B3GALT1: variants seen among roughly 807,000 people sequenced by gnomAD.
B3GALT1 encodes the protein UDP-Gal:betaGlcNAc beta 1,3-galactosyltransferase, polypeptide 1.
A neutral mutation model predicts 23.2 loss-of-function variants in B3GALT1; 10 were observed. The ratio of observed to expected loss-of-function variants is 0.43; its 90% CI spans 0.27 to 0.73. The LOEUF is 0.73. B3GALT1 is among the 30% of genes least tolerant of loss of function. B3GALT1 has a pLI of 0.21. For synonymous variants in B3GALT1, 156 were observed against 141.5 expected, an observed-to-expected ratio of 1.10 and a Z score of -0.73; for missense variants, 299 against 405.4, an observed-to-expected ratio of 0.74 and a Z score of 2.25.
At chr2:167,492,026 T>C (rs1473975813) in intron 2 of B3GALT1, among the ~76,000 whole-genome samples, 1 of 152,168 alleles carries the variant, frequency 6.6e-6, no homozygotes, top group Non-Finnish European at 1.5e-5. Flanking sequence ...AGTCTTTATA[T>C]TGGATATTTC....
At chr2:167,358,531 T>A (rs73017796) in intron 1 of B3GALT1, among the ~76,000 whole-genome samples, 14 of 149,992 alleles carry the variant, frequency 9.3e-5, no homozygotes, top group African/African-American at 3.3e-4. Flanking sequence ...GTTTGTGAAC[T>A]TTTTTTTAGT....
chr2:167,610,448 A>T (rs1056537794), intron 2 of B3GALT1, among the ~76,000 whole-genome samples: 2 of 152,064 alleles, frequency 1.3e-5, no homozygotes, highest in Admixed American at 6.6e-5. Flanking sequence ...TTTCACAATC[A>T]AGATTGTGTT....
At chr2:167,373,327 CACAA>C (rs1009701389) in intron 1 of B3GALT1, among the ~76,000 whole-genome samples, 1 of 151,720 alleles carries the variant, frequency 6.6e-6, no homozygotes, top group African/African-American at 2.4e-5. Flanking sequence ...ACACATATAA[CACAA>C]ACAATATAAG....
chr2:167,835,978 G>T (rs1344519056), intron 4 of B3GALT1, among the ~76,000 whole-genome samples: 2 of 152,172 alleles, frequency 1.3e-5, no homozygotes, highest in African/African-American at 4.8e-5. Context: ...CTGTCTGTTT[G>T]TTAGAAGGAA....
intron 1 of B3GALT1, among the ~76,000 whole-genome samples, chr2:167,473,324 T>G (rs1415617943): frequency 6.6e-6 from 1 of 152,154 alleles, no homozygotes; most frequent in Non-Finnish European, 1.5e-5. Flanking sequence ...CCCATCACTG[T>G]GCTAGGCAAC....
chr2:167,667,360 C>G (rs1427245248), intron 3 of B3GALT1, among the ~76,000 whole-genome samples: 1 of 152,146 alleles, frequency 6.6e-6, no homozygotes, highest in Non-Finnish European at 1.5e-5. Flanking sequence ...GTAACCCGAC[C>G]TTTCTCTCTG....
rs200002236 is a variant in B3GALT1 at position 167,782,293 on chromosome 2, G to A, written c.-351-36379G>A. ...CTGAAGAGGAACGGCGATGCCCCTG[G>A]TGACTTTATTGAACATCCCTGCATG... On this transcript the variant is annotated intron_variant, in intron 3 of 4. Coordinates refer to ENST00000392690, the MANE Select transcript of B3GALT1 (RefSeq NM_020981.4). Among the ~76,000 whole-genome samples the A allele has an allele frequency of 2.6e-5, 4 of 152,260 alleles. No homozygotes were observed. In the East Asian group the frequency reaches 7.7e-4, roughly 29 times the overall value.
chr2:167,728,354 T>C (rs1687352472), intron 3 of B3GALT1, among the ~76,000 whole-genome samples: 1 of 152,160 alleles, frequency 6.6e-6, no homozygotes, highest in Non-Finnish European at 1.5e-5. Context: ...GCCACTGCAC[T>C]CCAGCCTGGG....
intron 3 of B3GALT1, among the ~76,000 whole-genome samples, chr2:167,815,763 T>A (rs1045285750): frequency 2.0e-5 from 3 of 152,226 alleles, no homozygotes; most frequent in Non-Finnish European, 2.9e-5. Flanking sequence ...TGTGCTAGAA[T>A]AGCTATAATT....
intron 1 of B3GALT1, among the ~76,000 whole-genome samples, chr2:167,444,189 A>G (rs1446367809): frequency 6.6e-6 from 1 of 152,208 alleles, no homozygotes; most frequent in Non-Finnish European, 1.5e-5. Context: ...GCATATTTTG[A>G]ACCAGCCTTG....
chr2:167,825,248 T>C (rs112762001), intron 4 of B3GALT1, among the ~76,000 whole-genome samples: 4,633 of 140,582 alleles, frequency 0.033, 258 homozygotes, highest in African/African-American at 0.12. Flanking sequence ...CGCGCCACTG[T>C]ACTCTAGCCT....
intron 1 of B3GALT1, among the ~76,000 whole-genome samples, chr2:167,427,902 A>G (rs1297723347): frequency 1.3e-5 from 2 of 152,156 alleles, no homozygotes; most frequent in African/African-American, 4.8e-5. Context: ...AAAACCCTCT[A>G]AGTTATTTTA....
intron 3 of B3GALT1, among the ~76,000 whole-genome samples, chr2:167,650,758 C>T (rs1172217481): frequency 1.3e-5 from 2 of 151,992 alleles, no homozygotes; most frequent in Admixed American, 1.3e-4. Context: ...TCTGTACTTC[C>T]AGGATCCCTT....
chr2:167,458,926 A>C (rs1051192120), intron 1 of B3GALT1, among the ~76,000 whole-genome samples: 9 of 152,258 alleles, frequency 5.9e-5, no homozygotes, highest in African/African-American at 2.2e-4. Context: ...ATATTAGTAT[A>C]ACCACCCCTG....
intron 1 of B3GALT1, among the ~76,000 whole-genome samples, chr2:167,446,314 A>T (rs756576292): frequency 1.3e-5 from 2 of 151,928 alleles, no homozygotes; most frequent in Non-Finnish European, 1.5e-5. Flanking sequence ...CTTCACTTCA[A>T]CTTTGGTGAA....
At position 167,486,367 on chromosome 2, in the gene B3GALT1, AAAAAG is replaced by A. The variant is rs1451569198; in HGVS notation, c.-510-3793_-510-3789del. ...AGTGAGACTCTGTCTCAAAAAAAAA[AAAAAG>A]AAAAGAAAAGAAAAGATGCTTTATA... On this transcript the variant is annotated intron_variant, in intron 1 of 4. Transcript: ENST00000392690. Among the ~76,000 whole-genome samples, 841 of 150,870 alleles carry A rather than the reference AAAAAG, an allele frequency of 5.6e-3. 5 individuals carry two copies. Among genetic ancestry groups the A allele is most frequent in the African/African-American group, 0.018 (748 of 41,070 alleles).
chr2:167,664,186 C>G (rs996567684), intron 3 of B3GALT1, among the ~76,000 whole-genome samples: 1 of 149,728 alleles, frequency 6.7e-6, no homozygotes, highest in African/African-American at 2.5e-5. Flanking sequence ...ATATGGCTAG[C>G]CAGTTTTCCA....
intron 2 of B3GALT1, among the ~76,000 whole-genome samples, chr2:167,632,015 A>G (rs1273842814): frequency 1.3e-5 from 2 of 149,946 alleles, no homozygotes; most frequent in Admixed American, 6.7e-5. Flanking sequence ...TCATTGTTCA[A>G]CTCCCACTTA....
chr2:167,400,827 G>A (rs1559085594), intron 1 of B3GALT1, among the ~76,000 whole-genome samples: 1 of 152,058 alleles, frequency 6.6e-6, no homozygotes, highest in Non-Finnish European at 1.5e-5. Context: ...GCTTTGTGTA[G>A]GAAATGTATC....
Sources: gnomAD v4.1 joint callset for allele counts (sites outside exome capture counted in the v4.1 genomes callset) on GRCh38, gnomAD v4.1.1 for gene constraint, MANE v1.5 for transcripts, NCBI Gene and HGNC (gene_info 2026-07-23, HGNC 2026-07-21) for gene names.